Variants in OSBPL3 observed in about 807,000 individuals in gnomAD.
The protein encoded by OSBPL3 is oxysterol-binding protein-related protein 3.
Under a neutral mutation model 120.1 loss-of-function variants are expected in OSBPL3, and 65 were observed. The ratio of observed to expected loss-of-function variants is 0.54; its 90% CI spans 0.44 to 0.67. The LOEUF (loss-of-function observed/expected upper bound fraction) is 0.67. Among genes scored for constraint, OSBPL3 ranks in the 30% least tolerant of loss-of-function variants. OSBPL3 has a pLI of 0.00. For missense variants in OSBPL3, 1,004 were observed against 1,082.1 expected (o/e 0.93, Z 1.01); for synonymous variants, 416 against 402.6 (o/e 1.03, Z -0.40).
At chr7:24,812,550 GT>G (rs145555827) in intron 19 of OSBPL3, among the ~76,000 whole-genome samples, 1 of 151,650 alleles carries the variant, frequency 6.6e-6, no homozygotes, top group African/African-American at 2.4e-5. Flanking sequence ...CCTAGAGTTG[GT>G]TTTTTTTGTT....
At chr7:24,954,525 C>CTA (rs1343746086) in intron 1 of OSBPL3, among the ~76,000 whole-genome samples, 1 of 152,096 alleles carries the variant, frequency 6.6e-6, no homozygotes, top group Non-Finnish European at 1.5e-5. Flanking sequence ...AGCACTCTCT[C>CTA]TATCCCAACC....
intron 2 of OSBPL3, among the ~76,000 whole-genome samples, chr7:24,889,719 T>A (rs1447230076): frequency 6.6e-6 from 1 of 152,156 alleles, no homozygotes. Context: ...TGAGGGCTAA[T>A]GAGGAGAAAA....
chr7:24,845,907 T>C (rs1338834568), intron 12 of OSBPL3, among the ~76,000 whole-genome samples: 2 of 152,192 alleles, frequency 1.3e-5, no homozygotes, highest in African/African-American at 4.8e-5. Context: ...TCCCAGCTAC[T>C]TGGGAGGCCA....
chr7:24,956,292 C>T (rs1269093699), intron 1 of OSBPL3, among the ~76,000 whole-genome samples: 1 of 152,272 alleles, frequency 6.6e-6, no homozygotes, highest in African/African-American at 2.4e-5. Context: ...AGTTAACCAA[C>T]CCTTCCCTGT....
Position 24,966,086 on chromosome 7 carries a change from G to A in OSBPL3, c.-150+13800C>T, listed in dbSNP as rs759173947. Among the ~76,000 whole-genome samples, 10 of 152,216 alleles carry A rather than the reference G, an allele frequency of 6.6e-5. No individual in the cohort carries two copies. The highest frequency in any genetic ancestry group is 3.3e-4 in the Admixed American group (5 of 15,286). On this transcript the variant is annotated intron_variant, in intron 1 of 22. Transcript: ENST00000313367. The surrounding 1 kb of genome is among the most constrained non-coding windows in gnomAD (Gnocchi z 4.8). ...GGAGAAACAGTACTGTTAAAAGGAT[G>A]TGGGAGGTCCATGACTTGCTAAACC...
At position 24,809,077 on chromosome 7, in the gene OSBPL3, C is replaced by T. The variant is rs181684727; in HGVS notation, c.2317+730G>A. On this transcript the variant is annotated intron_variant, in intron 20 of 22. Coordinates refer to ENST00000313367, the MANE Select transcript of OSBPL3 (RefSeq NM_015550.4). ...ATGTAACAACCCTGGAGCCACCCCCCCCACTCACTTACTGTTGTGTAATAG... is the reference window on the plus strand; with the variant it reads ...ATGTAACAACCCTGGAGCCACCCCCTCCACTCACTTACTGTTGTGTAATAG... 1.1e-4 allele frequency among the ~76,000 whole-genome samples: 17 copies of T among 152,270 alleles called. No individual in the cohort carries two copies. The East Asian group carries it at 1.5e-3, about 14-fold the overall frequency.
Position 24,802,298 on chromosome 7 carries a change from G to T in OSBPL3, c.2567+2017C>A, listed in dbSNP as rs1792457031. 6.6e-6 allele frequency among the ~76,000 whole-genome samples: 1 copy of T among 152,122 alleles called. No homozygotes were observed. ...AGTAAGTGTTAATGACAACATCCAA[G>T]TCCCCATATTCCTCTCCAAAATCTC... is the stretch of plus-strand genomic sequence containing the variant. On this transcript the variant is annotated intron_variant, in intron 22 of 22. Coordinates refer to ENST00000313367, the MANE Select transcript of OSBPL3 (RefSeq NM_015550.4). This position sits in a 1 kb window ranked among gnomAD's most constrained non-coding sequence, Gnocchi z 4.1.
intron 2 of OSBPL3, among the ~76,000 whole-genome samples, chr7:24,880,300 G>A (rs1262432770): frequency 3.3e-5 from 5 of 152,104 alleles, no homozygotes; most frequent in Non-Finnish European, 4.4e-5. Flanking sequence ...GAGATCCCAC[G>A]CAGAACCTCG....
rs1814719492 is a variant in OSBPL3 at position 24,953,720 on chromosome 7, G to A, written c.-150+26166C>T. Among the ~76,000 whole-genome samples the A allele has an allele frequency of 1.3e-5, 2 of 152,140 alleles. No individual in the cohort carries two copies. Among genetic ancestry groups the A allele is most frequent in the African/African-American group, 4.8e-5 (2 of 41,420 alleles). On this transcript the variant is annotated intron_variant, in intron 1 of 22. Transcript: ENST00000313367. This position sits in a 1 kb window ranked among gnomAD's most constrained non-coding sequence, Gnocchi z 4.3. ...GGTGCCCAGTAAACGCTGAACAAAT[G>A]AATGAAAATAGAACTCCAAGTCACT... is the stretch of plus-strand genomic sequence containing the variant.
chr7:24,901,709 A>AC (rs1562905299), intron 1 of OSBPL3, among the ~76,000 whole-genome samples: 2 of 152,226 alleles, frequency 1.3e-5, no homozygotes, highest in Non-Finnish European at 2.9e-5. Flanking sequence ...CTAAACCTCC[A>AC]CAGGTATTTC....
chr7:24,913,388 G>A lies in OSBPL3; in HGVS notation c.-149-20767C>T, dbSNP rs117188337. ...GTCAGCAGCAACACTCTCTTCTCCT[G>A]TCCCTCAGGCTAGCAGGCTCCTGCT... On this transcript the variant is annotated intron_variant, in intron 1 of 22. Coordinates refer to ENST00000313367, the MANE Select transcript of OSBPL3 (RefSeq NM_015550.4). This position sits in a 1 kb window ranked among gnomAD's most constrained non-coding sequence, Gnocchi z 5.3. Among the ~76,000 whole-genome samples, 302 of 152,218 alleles carry A rather than the reference G, an allele frequency of 2.0e-3. 1 individual carries two copies. Among genetic ancestry groups the A allele is most frequent in the Middle Eastern group, 3.4e-3 (1 of 294 alleles).
intron 1 of OSBPL3, among the ~76,000 whole-genome samples, chr7:24,921,150 G>C (rs910482083): frequency 1.3e-5 from 2 of 151,980 alleles, no homozygotes; most frequent in Non-Finnish European, 1.5e-5. Context: ...ACAATTGGTT[G>C]ATCTTTGCTC....
At position 24,815,528 on chromosome 7, in the gene OSBPL3, C is replaced by T. The variant is rs1209155356; in HGVS notation, c.2028-325G>A. The stretch of plus-strand genomic sequence containing the variant: ...GCAATTCAGAGCCAGAGGGGCTTGT[C>T]TAATGTTGCTGAACTAGGAAAGGGA... On this transcript the variant is annotated intron_variant, in intron 18 of 22. Coordinates refer to ENST00000313367, the MANE Select transcript of OSBPL3 (RefSeq NM_015550.4). The surrounding 1 kb of genome is among the most constrained non-coding windows in gnomAD (Gnocchi z 5.1). Among the ~76,000 whole-genome samples the T allele has an allele frequency of 1.3e-5, 2 of 152,146 alleles. No homozygotes were observed. The highest frequency in any genetic ancestry group is 2.4e-5 in the African/African-American group (1 of 41,430).
rs986316649 is a variant in OSBPL3, at chr7:24,891,291, G to T, written c.96+1086C>A. 1.3e-5 allele frequency among the ~76,000 whole-genome samples: 2 copies of T among 152,046 alleles called. No homozygotes were observed. The highest frequency in any genetic ancestry group is 2.9e-5 in the Non-Finnish European group (2 of 68,018). ...CCTTAACCCCTCAGGGGAGATCCTGGAGGGCTTCCCAAATGTCAGGTCTGT... is the reference window on the plus strand; with the variant it reads ...CCTTAACCCCTCAGGGGAGATCCTGTAGGGCTTCCCAAATGTCAGGTCTGT... On this transcript the variant is annotated intron_variant, in intron 2 of 22. Transcript: ENST00000313367. The surrounding 1 kb of genome is among the most constrained non-coding windows in gnomAD (Gnocchi z 4.1).
At position 24,827,757 on chromosome 7, in the gene OSBPL3, G is replaced by A. The variant is rs1035126430; in HGVS notation, c.1884+3011C>T. Among the ~76,000 whole-genome samples the A allele has an allele frequency of 6.6e-6, 1 of 152,184 alleles. No individual in the cohort carries two copies. Among genetic ancestry groups the A allele is most frequent in the East Asian group, 1.9e-4 (1 of 5,200 alleles). On this transcript the variant is annotated intron_variant, in intron 16 of 22. Coordinates refer to ENST00000313367, the MANE Select transcript of OSBPL3 (RefSeq NM_015550.4). This position sits in a 1 kb window ranked among gnomAD's most constrained non-coding sequence, Gnocchi z 5.1. ...CAGCCATCAGGCTAAATTCCAGACAGATGAAGCAGCTCCATGATGATCAGG... is the reference window on the plus strand; with the variant it reads ...CAGCCATCAGGCTAAATTCCAGACAAATGAAGCAGCTCCATGATGATCAGG...
chr7:24,917,421 T>TATATATATATATAG (rs1809786685), intron 1 of OSBPL3, among the ~76,000 whole-genome samples: 1 of 141,996 alleles, frequency 7.0e-6, no homozygotes, highest in Non-Finnish European at 1.5e-5. Flanking sequence ...TATATATATA[T>TATATATATATATAG]ATATATTTGT....
intron 2 of OSBPL3, among the ~76,000 whole-genome samples, chr7:24,890,771 CTGAT>C (rs571212674): frequency 2.0e-5 from 3 of 152,290 alleles, no homozygotes; most frequent in African/African-American, 7.2e-5. Context: ...GAATGAGTGA[CTGAT>C]TGACCAAGCA....
At chr7:24,868,706 C>T (rs1213042975) in intron 5 of OSBPL3, among the ~76,000 whole-genome samples, 1 of 152,166 alleles carries the variant, frequency 6.6e-6, no homozygotes, top group Non-Finnish European at 1.5e-5. Flanking sequence ...AGAAGCAATA[C>T]AAACAGACTC....
intron 1 of OSBPL3, among the ~76,000 whole-genome samples, chr7:24,951,332 A>T (rs1343870288): frequency 6.6e-6 from 1 of 152,226 alleles, no homozygotes; most frequent in East Asian, 1.9e-4. Flanking sequence ...GTAAAAAGTA[A>T]ATCAAAATCA....
Sources: gnomAD v4.1 joint callset for allele counts (sites outside exome capture counted in the v4.1 genomes callset) on GRCh38, gnomAD v4.1.1 for gene constraint, Gnocchi (gnomAD v3.1) non-coding constraint, MANE v1.5 for transcripts, NCBI Gene and HGNC (gene_info 2026-07-23, HGNC 2026-07-21) for gene names.